Variants in LAMC1 observed in about 807,000 individuals in gnomAD.
LAMC1 encodes the protein laminin subunit gamma-1.
In LAMC1, 38 loss-of-function variants were observed where a neutral mutation model predicts 173.6. That is an observed-to-expected ratio of 0.22 (90% CI 0.17 to 0.29). The LOEUF (loss-of-function observed/expected upper bound fraction) is 0.29. Ranked by LOEUF, LAMC1 falls within the 10% of genes least tolerant of loss-of-function variation. LAMC1 has a pLI of 1.00. For synonymous variants in LAMC1, 746 were observed against 749.1 expected, an observed-to-expected ratio of 1.00 and a Z score of 0.07; for missense variants, 1,824 against 2,051.8, an observed-to-expected ratio of 0.89 and a Z score of 2.14.
intron 27 of LAMC1, among the ~76,000 whole-genome samples, chr1:183,141,436 AT>A (rs1313039734): frequency 2.0e-5 from 3 of 152,214 alleles, no homozygotes; most frequent in Non-Finnish European, 4.4e-5. Context: ...AAAAACCTTG[AT>A]TTTTCAAGGA....
At chr1:183,107,892 GC>G (rs1181447346) in intron 2 of LAMC1, among the ~76,000 whole-genome samples, 4 of 152,096 alleles carry the variant, frequency 2.6e-5, no homozygotes, top group African/African-American at 9.7e-5. Context: ...CAAATGTGGT[GC>G]CCCATGAGCT....
Position 183,124,869 on chromosome 1 carries a change from A to T in LAMC1, c.2640A>T (p.Lys880Asn). ...GNPLAPNPAD[K>N]CKACNCNLYG... ...CCCTGGCTCCCAATCCAGCAGACAA[A>T]TGCAAAGGTAATCAGCCTTTGATCA... The change falls in exon 14 of 28, where the codon AAA becomes AAT. Residue 880 changes from lysine to asparagine, a missense_variant. Transcript: ENST00000258341. The T allele has an allele frequency of 6.2e-7, 1 of 1,613,974 alleles. No individual in the cohort carries two copies. Among genetic ancestry groups the T allele is most frequent in the East Asian group, 2.2e-5 (1 of 44,880 alleles).
At chr1:183,068,947 AAAAG>A (rs1366675876) in intron 1 of LAMC1, among the ~76,000 whole-genome samples, 5 of 152,176 alleles carry the variant, frequency 3.3e-5, no homozygotes, top group South Asian at 4.1e-4. Flanking sequence ...TCTCAAAAAA[AAAAG>A]AAAGAAAAGT....
chr1:183,126,759 T>C (rs1045143538), intron 16 of LAMC1, among the ~76,000 whole-genome samples: 3 of 152,252 alleles, frequency 2.0e-5, no homozygotes, highest in Non-Finnish European at 2.9e-5. Context: ...TGGCTTTTGC[T>C]TTCTGAATTC....
At chr1:183,063,702 A>C (rs949316536) in intron 1 of LAMC1, among the ~76,000 whole-genome samples, 2 of 152,254 alleles carry the variant, frequency 1.3e-5, no homozygotes, top group Non-Finnish European at 2.9e-5. Flanking sequence ...AGACAGAGAC[A>C]CATCTGTCTC....
Position 183,135,890 on chromosome 1 carries a change from C to CAA in LAMC1, c.4115-478_4115-477dup, listed in dbSNP as rs34380430. On this transcript the variant is annotated intron_variant, in intron 24 of 27. Coordinates refer to ENST00000258341, the MANE Select transcript of LAMC1 (RefSeq NM_002293.4). ...GGTGACAGAGTGAAACCTTGTCTCT[C>CAA]AAAAAAAAAAAAAAAAAAAGTAGTA... Among the ~76,000 whole-genome samples the CAA allele has an allele frequency of 4.4e-3, 453 of 104,004 alleles. 4 individuals are homozygous for CAA. Among genetic ancestry groups the CAA allele is most frequent in the Non-Finnish European group, 5.3e-3 (277 of 51,992 alleles). 68.2% of individuals were successfully genotyped at this position (104,004 alleles called of 152,430 possible).
At chr1:183,108,531 G>C (rs1462806335) in intron 3 of LAMC1, 125 bp downstream of exon 3, 1 of 767,856 alleles carries the variant, frequency 1.3e-6, no homozygotes, top group African/African-American at 1.8e-5. Flanking sequence ...AATAGGAGCG[G>C]CAGTCCTTCC....
chr1:183,060,577 A>G (rs954385337), intron 1 of LAMC1, among the ~76,000 whole-genome samples: 3 of 152,124 alleles, frequency 2.0e-5, no homozygotes, highest in African/African-American at 7.2e-5. Context: ...CCTGTACACA[A>G]TATTACAGTG....
chr1:183,061,311 T>C (rs1654741402), intron 1 of LAMC1, among the ~76,000 whole-genome samples: 1 of 152,152 alleles, frequency 6.6e-6, no homozygotes, highest in African/African-American at 2.4e-5. Flanking sequence ...TACTCTGATT[T>C]GTCAGAGGAA....
chr1:183,082,288 G>T (rs1558042152), intron 1 of LAMC1, among the ~76,000 whole-genome samples: 1 of 152,146 alleles, frequency 6.6e-6, no homozygotes, highest in Non-Finnish European at 1.5e-5. Flanking sequence ...ATACCATTCA[G>T]CAATTGTATG....
intron 1 of LAMC1, among the ~76,000 whole-genome samples, chr1:183,065,465 G>A (rs1434308886): frequency 6.6e-6 from 1 of 152,200 alleles, no homozygotes; most frequent in Admixed American, 6.5e-5. Flanking sequence ...TTTGGAAGCA[G>A]AATTCCTTCT....
At chr1:183,033,282 A>T (rs1415505060) in intron 1 of LAMC1, among the ~76,000 whole-genome samples, 6 of 152,220 alleles carry the variant, frequency 3.9e-5, no homozygotes, top group African/African-American at 1.4e-4. Context: ...TCATTGAAGT[A>T]CCTGCAGAGC....
chr1:183,116,799 C>T lies in LAMC1; in HGVS notation c.1460C>T (p.Ser487Phe). 1 of 1,614,056 alleles carries T rather than the reference C, an allele frequency of 6.2e-7. No homozygotes were observed. Among genetic ancestry groups the T allele is most frequent in the Non-Finnish European group, 8.5e-7 (1 of 1,179,926 alleles). ...CKPGFFNLESSNPRGCTPCFC... is the reference protein window; with the variant it reads ...CKPGFFNLESFNPRGCTPCFC... Reference sequence around the variant, plus strand: ...CCTGGATTTTTTAATCTGGAATCATCTAATCCTCGGGGTTGCACACCCTGC... The same window carrying T: ...CCTGGATTTTTTAATCTGGAATCATTTAATCCTCGGGGTTGCACACCCTGC... Residue 487 changes from serine (S) to phenylalanine (F), a missense_variant, in exon 8 of 28, where the codon TCT becomes TTT. Physicochemically the swap from Ser to Phe is radical, Grantham distance 155. Transcript: ENST00000258341.
rs1397360690 is a variant in LAMC1, at chr1:183,023,661, G to A, written c.-56G>A. 1 of 1,142,860 alleles carries A rather than the reference G, an allele frequency of 8.7e-7. No homozygotes were observed. The highest frequency in any genetic ancestry group is 1.1e-6 in the Non-Finnish European group (1 of 928,194). 70.8% of individuals were successfully genotyped at this position (1,142,860 alleles called of 1,614,324 possible). A position where few individuals can be genotyped will look rare whatever the true frequency, so the allele number is the denominator to read the frequency against. On this transcript the variant is annotated 5_prime_UTR_variant, in exon 1 of 28. Coordinates refer to ENST00000258341, the MANE Select transcript of LAMC1 (RefSeq NM_002293.4). ...CGGCCTCCGGGGGACGCCGCTAGGC[G>A]AGAGGAACGCGCCGGTGCCCTTGCC...
chr1:183,136,977 A>G (rs1651174805), intron 25 of LAMC1, among the ~76,000 whole-genome samples: 2 of 152,170 alleles, frequency 1.3e-5, no homozygotes, highest in South Asian at 4.1e-4. Context: ...CCTTTCAAGT[A>G]TATTGCCATA....
At chr1:183,093,364 C>T (rs892638618) in intron 1 of LAMC1, among the ~76,000 whole-genome samples, 5 of 152,122 alleles carry the variant, frequency 3.3e-5, no homozygotes, top group Non-Finnish European at 7.4e-5. Flanking sequence ...GTTGGTCACT[C>T]TCTTCTTTTT....
intron 2 of LAMC1, among the ~76,000 whole-genome samples, chr1:183,106,472 A>G (rs759748365): frequency 2.6e-5 from 4 of 152,092 alleles, no homozygotes; most frequent in Admixed American, 1.3e-4. Context: ...ATGTTGTTCT[A>G]TATGCCAGGT....
intron 2 of LAMC1, among the ~76,000 whole-genome samples, chr1:183,106,377 AG>A (rs1348767343): frequency 6.6e-6 from 1 of 152,206 alleles, no homozygotes; most frequent in Non-Finnish European, 1.5e-5. Flanking sequence ...TGGAGTTCCA[AG>A]TTTGGATATG....
chr1:183,114,762 C>T (rs150237221), intron 5 of LAMC1, 43 bp downstream of exon 5: 18 of 1,573,462 alleles, frequency 1.1e-5, no homozygotes, highest in Admixed American at 8.6e-5. Context: ...ATGATAGTTC[C>T]GTGGACCCCC....
Sources: gnomAD v4.1 joint callset for allele counts (sites outside exome capture counted in the v4.1 genomes callset) on GRCh38, gnomAD v4.1.1 for gene constraint, MANE v1.5 for transcripts, NCBI Gene and HGNC (gene_info 2026-07-23, HGNC 2026-07-21) for gene names.